TRAK1: variants seen among roughly 807,000 people sequenced by gnomAD.
The protein encoded by TRAK1 is trafficking kinesin protein 1.
TRAK1 carries 33 observed loss-of-function variants against 92.1 expected under a neutral mutation model. That is an observed-to-expected ratio of 0.36 (90% CI 0.27 to 0.48). The LOEUF is 0.48. TRAK1 is among the 20% of genes least tolerant of loss of function. The pLI is 0.99. For missense variants in TRAK1, 1,123 were observed against 1,257.9 expected (o/e 0.89, Z 1.62); for synonymous variants, 521 against 517.3 (o/e 1.01, Z -0.10).
chr3:42,135,772 C>T (rs1227020925), intron 2 of TRAK1, among the ~76,000 whole-genome samples: 6 of 152,158 alleles, frequency 3.9e-5, no homozygotes, highest in African/African-American at 1.4e-4. Context: ...TAGATGTGGT[C>T]ATCTGTCAGT....
intron 1 of TRAK1, among the ~76,000 whole-genome samples, chr3:42,078,340 T>C (rs1401031783): frequency 2.0e-5 from 3 of 152,200 alleles, no homozygotes; most frequent in African/African-American, 7.2e-5. Flanking sequence ...GCCGTGCAGA[T>C]GGAATTAGAA....
intron 2 of TRAK1, chr3:42,149,224 T>C: frequency 8.2e-7 from 1 of 1,213,964 alleles, no homozygotes; most frequent in South Asian, 2.3e-5. Flanking sequence ...AGGACGATCC[T>C]GGCTACTCCC....
chr3:42,105,903 C>T (rs1707477836), intron 1 of TRAK1, among the ~76,000 whole-genome samples: 2 of 152,198 alleles, frequency 1.3e-5, no homozygotes, highest in African/African-American at 4.8e-5. Flanking sequence ...CCCAGAATTT[C>T]ATATCCAGCC....
intron 1 of TRAK1, among the ~76,000 whole-genome samples, chr3:42,042,338 T>C (rs1447117969): frequency 2.0e-5 from 3 of 152,134 alleles, no homozygotes; most frequent in Non-Finnish European, 4.4e-5. Flanking sequence ...ATTAATATGG[T>C]ATATCATAAA....
intron 2 of TRAK1, among the ~76,000 whole-genome samples, chr3:42,129,678 G>A (rs1696937447): frequency 1.3e-5 from 2 of 152,130 alleles, no homozygotes; most frequent in South Asian, 2.1e-4. Flanking sequence ...CATAGTCAAC[G>A]TACGGTACTT....
At chr3:42,160,333 GA>G in intron 2 of TRAK1, 1 of 1,613,452 alleles carries the variant, frequency 6.2e-7, no homozygotes, top group Non-Finnish European at 8.5e-7. Flanking sequence ...CCCTTAGGGT[GA>G]TGTTTTGGCT....
At chr3:42,097,516 G>A (rs567945590) in intron 1 of TRAK1, among the ~76,000 whole-genome samples, 1 of 152,330 alleles carries the variant, frequency 6.6e-6, no homozygotes, top group South Asian at 2.1e-4. Context: ...ACGTTCCTCA[G>A]TGTGTAGAGG....
intron 11 of TRAK1, among the ~76,000 whole-genome samples, chr3:42,200,357 A>G (rs368680527): frequency 2.0e-5 from 3 of 152,350 alleles, no homozygotes; most frequent in African/African-American, 7.2e-5. Flanking sequence ...GACTAACTTG[A>G]AGTCTTCCTT....
At chr3:42,107,731 A>G (rs1707786543) in intron 1 of TRAK1, among the ~76,000 whole-genome samples, 1 of 151,962 alleles carries the variant, frequency 6.6e-6, no homozygotes, top group Admixed American at 6.6e-5. Context: ...TACAGATAGT[A>G]CCTTTAAAGG....
intron 1 of TRAK1, among the ~76,000 whole-genome samples, chr3:42,108,963 A>G (rs1368745311): frequency 6.6e-6 from 1 of 152,202 alleles, no homozygotes; most frequent in Non-Finnish European, 1.5e-5. Context: ...AAGAAGAGTT[A>G]TAAGGAGGGA....
intron 1 of TRAK1, among the ~76,000 whole-genome samples, chr3:42,043,637 A>G (rs758709375): frequency 5.9e-5 from 9 of 151,758 alleles, no homozygotes; most frequent in Non-Finnish European, 1.0e-4. Context: ...GGGGGGAGTA[A>G]AGGGGATCCT....
At chr3:42,121,707 G>C (rs1361370437) in intron 1 of TRAK1, among the ~76,000 whole-genome samples, 1 of 152,178 alleles carries the variant, frequency 6.6e-6, no homozygotes. Flanking sequence ...AGAGCTGCAC[G>C]GGCCATCTCC....
At chr3:42,175,409 TC>T (rs1177737250) in intron 2 of TRAK1, among the ~76,000 whole-genome samples, 2 of 152,122 alleles carry the variant, frequency 1.3e-5, no homozygotes. Context: ...TCAAATTAGA[TC>T]CTGGTTTAAA....
rs374792441 is a variant in TRAK1, at chr3:42,061,144, T to C, written c.-518-25960T>C. On this transcript the variant is annotated intron_variant, in intron 1 of 16. Coordinates refer to the TRAK1 transcript ENST00000487159. ...GTATAATTTTAGATTTATAGAAAAG[T>C]TACAAAAAGTGTGCAGAGTTCCCAT... Among the ~76,000 whole-genome samples, 9 of 152,218 alleles carry C rather than the reference T, an allele frequency of 5.9e-5. No individual in the cohort carries two copies. In the East Asian group the frequency reaches 9.6e-4, roughly 16 times the overall value.
chr3:42,191,753 T>C, intron 7 of TRAK1, 117 bp downstream of exon 7: 1 of 1,133,830 alleles, frequency 8.8e-7, no homozygotes, highest in South Asian at 1.6e-5. Flanking sequence ...AGCAGCATTT[T>C]TCTTAAAACT....
chr3:42,104,949 CT>C (rs34326359), intron 1 of TRAK1, among the ~76,000 whole-genome samples: 3,203 of 130,654 alleles, frequency 0.025, 34 homozygotes, highest in African/African-American at 0.045. Flanking sequence ...AGCTAAAAAT[CT>C]TTTTTTTTTT....
chr3:42,182,054 T>G (rs184363972), intron 3 of TRAK1, among the ~76,000 whole-genome samples: 1 of 151,730 alleles, frequency 6.6e-6, no homozygotes, highest in Admixed American at 6.6e-5. Flanking sequence ...CCTCCTGCCT[T>G]GGCCTTCCAA....
At chr3:42,013,685 G>GC (rs1002238188), upstream of TRAK1, 1,262 of 146,882 alleles carry the variant, frequency 8.6e-3, 9 homozygotes, top group Non-Finnish European at 0.012. This position sits in a 1 kb window ranked among gnomAD's most constrained non-coding sequence, Gnocchi z 5.1. Flanking sequence ...GGCGGCGCCC[G>GC]CAACAGTGCC....
chr3:42,047,474 A>T (rs1013992541), intron 1 of TRAK1, among the ~76,000 whole-genome samples: 11 of 151,650 alleles, frequency 7.3e-5, no homozygotes, highest in Non-Finnish European at 1.0e-4. Flanking sequence ...CAGTGTTGGG[A>T]TTACAGGCGT....
Sources: gnomAD v4.1 joint callset for allele counts (sites outside exome capture counted in the v4.1 genomes callset) on GRCh38, gnomAD v4.1.1 for gene constraint, Gnocchi (gnomAD v3.1) non-coding constraint, MANE v1.5 for transcripts, NCBI Gene and HGNC (gene_info 2026-07-23, HGNC 2026-07-21) for gene names.